GNAI1: variants seen among roughly 807,000 people sequenced by gnomAD.
The protein encoded by GNAI1 is guanine nucleotide-binding protein G(i) subunit alpha-1.
A neutral mutation model predicts 38.9 loss-of-function variants in GNAI1; 11 were observed. The ratio of observed to expected loss-of-function variants is 0.28; its 90% confidence interval spans 0.18 to 0.47. GNAI1 has a LOEUF of 0.47. Among genes scored for constraint, GNAI1 ranks in the 20% least tolerant of loss-of-function variants. GNAI1 has a pLI of 0.99. For missense variants in GNAI1, 317 were observed against 436.9 expected, an observed-to-expected ratio of 0.73 and a Z score of 2.45; for synonymous variants, 166 against 145.1, an observed-to-expected ratio of 1.14 and a Z score of -1.04.
rs190263788 is a variant in GNAI1, at chr7:80,143,704, T to C, written c.118+8426T>C. 1.7e-4 allele frequency among the ~76,000 whole-genome samples: 26 copies of C among 152,268 alleles called. No homozygotes were observed. The East Asian group carries it at 5.0e-3, about 29-fold the overall frequency. ...TTCTATAAATGCTGGATAATAAATA[T>C]ATCTACTTCATAGGGCTAGTGACAA... is the stretch of plus-strand genomic sequence containing the variant. On this transcript the variant is annotated intron_variant, in intron 1 of 7. Transcript: ENST00000649796.
Position 80,217,588 on chromosome 7 carries a change from A to C in GNAI1, c.*95A>C. The C allele has an allele frequency of 1.5e-6, 1 of 649,938 alleles. No individual in the cohort carries two copies. Among genetic ancestry groups the C allele is most frequent in the East Asian group, 3.0e-5 (1 of 33,780 alleles). The allele number at this position is 649,938 out of a possible 1,614,324, so 40.3% of individuals were successfully genotyped here. On this transcript the variant is annotated 3_prime_UTR_variant, in exon 8 of 8. Coordinates refer to ENST00000649796, the MANE Select transcript of GNAI1 (RefSeq NM_002069.6). ...GAGTCTTGCAGCAACACAGAATGTA[A>C]TATAAGGCAAATGCATCTGGGACTT...
At position 80,219,438 on chromosome 7, in the gene GNAI1, A is replaced by AT. The variant is rs751233099; in HGVS notation, c.*1948dup. The AT allele has an allele frequency of 5.9e-5, 9 of 152,554 alleles. No individual in the cohort carries two copies. Among genetic ancestry groups the AT allele is most frequent in the Non-Finnish European group, 5.9e-5 (4 of 68,016 alleles). The allele number at this position is 152,554 out of a possible 1,614,324, so 9.5% of individuals were successfully genotyped here. On this transcript the variant is annotated 3_prime_UTR_variant, in exon 8 of 8. Coordinates refer to ENST00000649796, the MANE Select transcript of GNAI1 (RefSeq NM_002069.6). ...TTGGCTAAGTACATTTTGGATTAGA[A>AT]TTTAAGTATCAGTCTGTTGTTTCTT...
chr7:80,135,075 C>T lies in GNAI1; in HGVS notation c.-86C>T, dbSNP rs1402061346. Reference sequence around the variant, plus strand: ...CCCCGTCGGGAGGCGTTCGAACGCCCGCTAGGAGAGAGAAAGGATTCCCCT... The same window carrying T: ...CCCCGTCGGGAGGCGTTCGAACGCCTGCTAGGAGAGAGAAAGGATTCCCCT... On this transcript the variant is annotated 5_prime_UTR_variant, in exon 1 of 8. Transcript: ENST00000649796. The T allele has an allele frequency of 6.6e-6, 6 of 912,630 alleles. No individual in the cohort carries two copies. The East Asian group carries it at 1.6e-4, about 24-fold the overall frequency. The allele number at this position is 912,630 out of a possible 1,614,324, so 56.5% of individuals were successfully genotyped here.
chr7:80,208,928 C>T (rs1788825940), intron 5 of GNAI1, among the ~76,000 whole-genome samples: 1 of 152,154 alleles, frequency 6.6e-6, no homozygotes, highest in Non-Finnish European at 1.5e-5. Flanking sequence ...GTTTTCATTT[C>T]CTTCTGAGAC....
intron 1 of GNAI1, among the ~76,000 whole-genome samples, chr7:80,137,712 G>A (rs1255537208): frequency 6.6e-6 from 1 of 152,164 alleles, no homozygotes; most frequent in Non-Finnish European, 1.5e-5. Context: ...TCTTTTGGCT[G>A]TCTTTTCTAG....
At chr7:80,206,282 G>A (rs540618921) in intron 5 of GNAI1, among the ~76,000 whole-genome samples, 58 of 152,066 alleles carry the variant, frequency 3.8e-4, no homozygotes, top group African/African-American at 1.3e-3. Flanking sequence ...ATTAATTTAT[G>A]TGGCAACATT....
intron 1 of GNAI1, among the ~76,000 whole-genome samples, chr7:80,165,109 G>A (rs556319273): frequency 1.3e-5 from 2 of 152,214 alleles, no homozygotes; most frequent in Admixed American, 1.3e-4. Flanking sequence ...ATTAAGGGAT[G>A]TATATTGAGT....
intron 3 of GNAI1, among the ~76,000 whole-genome samples, chr7:80,190,128 T>C (rs1788456371): frequency 1.3e-5 from 2 of 152,088 alleles, no homozygotes; most frequent in African/African-American, 2.4e-5. Context: ...TTTTTCTTTT[T>C]GTCTTAGTGT....
intron 1 of GNAI1, among the ~76,000 whole-genome samples, chr7:80,158,386 G>A (rs562005251): frequency 1.3e-5 from 2 of 152,240 alleles, no homozygotes; most frequent in South Asian, 4.2e-4. Flanking sequence ...AAAAGGTTTG[G>A]CTGAGTCCCT....
intron 3 of GNAI1, among the ~76,000 whole-genome samples, chr7:80,197,847 G>T (rs1265323869): frequency 6.6e-6 from 1 of 152,104 alleles, no homozygotes; most frequent in Non-Finnish European, 1.5e-5. Flanking sequence ...AATTTATATT[G>T]TCAGCTAGTA....
chr7:80,177,024 CTTTTTTT>C (rs569135086), intron 1 of GNAI1, among the ~76,000 whole-genome samples: 1 of 61,212 alleles, frequency 1.6e-5, no homozygotes, highest in Non-Finnish European at 2.8e-5. Flanking sequence ...GACAGCATAT[CTTTTTTT>C]TTTTTTTTTT....
rs370561374 is a variant in GNAI1 at position 80,224,988 on chromosome 7, G to A, written c.*7495G>A. Among the ~76,000 whole-genome samples, 25 of 152,140 alleles carry A rather than the reference G, an allele frequency of 1.6e-4. No homozygotes were observed. In the South Asian group the frequency reaches 4.6e-3, roughly 28 times the overall value. Reference sequence around the variant, plus strand: ...TTTTTCTTCCACAACAACTCTATTTGCATTGCATGGAAATGTTCCCAAGTT... The same window carrying A: ...TTTTTCTTCCACAACAACTCTATTTACATTGCATGGAAATGTTCCCAAGTT... On this transcript the variant is annotated 3_prime_UTR_variant, in exon 8 of 8. Coordinates refer to ENST00000649796, the MANE Select transcript of GNAI1 (RefSeq NM_002069.6).
At chr7:80,163,297 A>G (rs1584019600) in intron 1 of GNAI1, among the ~76,000 whole-genome samples, 1 of 152,190 alleles carries the variant, frequency 6.6e-6, no homozygotes, top group African/African-American at 2.4e-5. Context: ...CATGCATACT[A>G]CTAGCCCTTC....
chr7:80,191,410 T>C (rs1354315784), intron 3 of GNAI1, among the ~76,000 whole-genome samples: 1 of 152,146 alleles, frequency 6.6e-6, no homozygotes, highest in Non-Finnish European at 1.5e-5. Context: ...TGTTATTATT[T>C]TGAGACAGTC....
chr7:80,189,696 A>G (rs1224798152), intron 3 of GNAI1, among the ~76,000 whole-genome samples: 1 of 152,210 alleles, frequency 6.6e-6, no homozygotes, highest in East Asian at 1.9e-4. Context: ...TGGAATAGGA[A>G]AATATCGGCT....
intron 1 of GNAI1, among the ~76,000 whole-genome samples, chr7:80,154,980 A>G (rs1168910981): frequency 6.6e-6 from 1 of 152,170 alleles, no homozygotes; most frequent in Non-Finnish European, 1.5e-5. Flanking sequence ...ATATATTACT[A>G]GAGGAAAGTT....
chr7:80,148,711 A>G (rs1221636143), intron 1 of GNAI1, among the ~76,000 whole-genome samples: 1 of 152,134 alleles, frequency 6.6e-6, no homozygotes. Flanking sequence ...GTTGTGTTCT[A>G]GAAATGATTT....
intron 1 of GNAI1, among the ~76,000 whole-genome samples, chr7:80,179,485 G>A (rs998953483): frequency 2.6e-5 from 4 of 152,146 alleles, no homozygotes; most frequent in African/African-American, 9.7e-5. Flanking sequence ...ATTTGGGAAG[G>A]AAAAATACTA....
chr7:80,152,845 A>G (rs1787752569), intron 1 of GNAI1, among the ~76,000 whole-genome samples: 1 of 152,060 alleles, frequency 6.6e-6, no homozygotes, highest in South Asian at 2.1e-4. Context: ...TGCTGGGATT[A>G]CAGGCATGAG....
Sources: gnomAD v4.1 joint callset for allele counts (sites outside exome capture counted in the v4.1 genomes callset) on GRCh38, gnomAD v4.1.1 for gene constraint, MANE v1.5 for transcripts, NCBI Gene and HGNC (gene_info 2026-07-23, HGNC 2026-07-21) for gene names.